DNER: variants seen among roughly 807,000 people sequenced by gnomAD.
The protein encoded by DNER is delta and Notch-like epidermal growth factor-related receptor.
DNER carries 33 observed loss-of-function variants against 78.2 expected under a neutral mutation model. The ratio of observed to expected loss-of-function variants is 0.42; its 90% CI spans 0.32 to 0.56. DNER has a LOEUF of 0.56. DNER is among the 20% of genes least tolerant of loss of function. The pLI is 0.11. For missense variants in DNER, 918 were observed against 975.3 expected, an observed-to-expected ratio of 0.94 and a Z score of 0.78; for synonymous variants, 417 against 384.8, an observed-to-expected ratio of 1.08 and a Z score of -0.98.
At chr2:229,678,664 C>A (rs904108636) in intron 1 of DNER, among the ~76,000 whole-genome samples, 2 of 152,160 alleles carry the variant, frequency 1.3e-5, no homozygotes, top group African/African-American at 4.8e-5. Flanking sequence ...CCTATATGAT[C>A]TCATGCATAA....
Position 229,541,899 on chromosome 2 carries a change from ATTATATTTATAT to A in DNER, c.993+5036_993+5047del, listed in dbSNP as rs980983126. ...TATATTTATTTATATGTATATATAA[ATTATATTTATAT>A]TTATATTTATAAATTATATTTATAT... On this transcript the variant is annotated intron_variant, in intron 5 of 12. Coordinates refer to ENST00000341772, the MANE Select transcript of DNER (RefSeq NM_139072.4). 3.4e-5 allele frequency among the ~76,000 whole-genome samples: 5 copies of A among 147,162 alleles called. No homozygotes were observed. The East Asian group carries it at 9.7e-4, about 29-fold the overall frequency.
chr2:229,643,579 T>A (rs1033249410), intron 1 of DNER, among the ~76,000 whole-genome samples: 1 of 152,140 alleles, frequency 6.6e-6, no homozygotes, highest in Non-Finnish European at 1.5e-5. Flanking sequence ...CTTGGGTAGG[T>A]TACTTAGGCT....
chr2:229,631,111 T>A (rs775861344), intron 1 of DNER, among the ~76,000 whole-genome samples: 3 of 152,234 alleles, frequency 2.0e-5, no homozygotes, highest in East Asian at 1.9e-4. Context: ...AGTATATGTG[T>A]CTTTTTGGTA....
chr2:229,709,170 T>C (rs1436605568), intron 1 of DNER, among the ~76,000 whole-genome samples: 1 of 152,226 alleles, frequency 6.6e-6, no homozygotes, highest in Non-Finnish European at 1.5e-5. Context: ...TTTCTTAGTA[T>C]ATCTTTTATT....
intron 5 of DNER, among the ~76,000 whole-genome samples, chr2:229,515,148 T>C (rs969465533): frequency 2.0e-5 from 3 of 152,252 alleles, no homozygotes; most frequent in Non-Finnish European, 2.9e-5. Flanking sequence ...AGGATCTATC[T>C]GTTTTTTCAT....
rs561111777 is a variant in DNER, at chr2:229,576,103, A to G, written c.847+9755T>C. 2.6e-5 allele frequency among the ~76,000 whole-genome samples: 4 copies of G among 152,318 alleles called. No individual in the cohort carries two copies. The South Asian group carries it at 8.3e-4, about 32-fold the overall frequency. On this transcript the variant is annotated intron_variant, in intron 4 of 12. Coordinates refer to ENST00000341772, the MANE Select transcript of DNER (RefSeq NM_139072.4). ...CTACACTCCCTACCCCCACCATTGCAGTGAGTTCAGCAGAACTTACTCAAT... is the reference window on the plus strand; with the variant it reads ...CTACACTCCCTACCCCCACCATTGCGGTGAGTTCAGCAGAACTTACTCAAT...
At chr2:229,463,098 T>A (rs1316161457) in intron 7 of DNER, among the ~76,000 whole-genome samples, 2 of 152,216 alleles carry the variant, frequency 1.3e-5, no homozygotes, top group Admixed American at 1.3e-4. Flanking sequence ...GGTTTCCCTG[T>A]TTATCACCTG....
At chr2:229,692,449 T>C (rs1457150576) in intron 1 of DNER, among the ~76,000 whole-genome samples, 1 of 152,264 alleles carries the variant, frequency 6.6e-6, no homozygotes, top group Non-Finnish European at 1.5e-5. Context: ...TTCTATTGGC[T>C]TTCAGCTATG....
At position 229,591,707 on chromosome 2, in the gene DNER, A is replaced by C. The variant is rs1697609658; in HGVS notation, c.458T>G (p.Leu153Arg). Reference sequence around the variant, plus strand: ...CTCCTGAGTAGCAGGAACAGGCTGAAGCTGTCGGGGTGCCATGGATTCGGT... The same window carrying C: ...CTCCTGAGTAGCAGGAACAGGCTGACGCTGTCGGGGTGCCATGGATTCGGT... ...GWTESMAPRQ[L>R]QPVPATQEPD... Residue 153 changes from leucine (L) to arginine (R), a missense_variant, in exon 2 of 13, where the codon CTT becomes CGT. Transcript: ENST00000341772. This position sits in a 1 kb window ranked among gnomAD's most constrained non-coding sequence, Gnocchi z 4.6. 11 of 1,614,224 alleles carry C rather than the reference A, an allele frequency of 6.8e-6. No individual in the cohort carries two copies. The highest frequency in any genetic ancestry group is 9.3e-6 in the Non-Finnish European group (11 of 1,180,034).
At chr2:229,640,636 G>A (rs948060680) in intron 1 of DNER, among the ~76,000 whole-genome samples, 3 of 152,182 alleles carry the variant, frequency 2.0e-5, no homozygotes, top group African/African-American at 7.2e-5. Flanking sequence ...CATGTTCTAC[G>A]CGTCTGAGGT....
chr2:229,614,951 G>A (rs544353715), intron 1 of DNER, among the ~76,000 whole-genome samples: 5 of 152,234 alleles, frequency 3.3e-5, no homozygotes, highest in African/African-American at 2.4e-5. Flanking sequence ...ACTAATCTAC[G>A]AAGACTTTAT....
chr2:229,407,434 A>G (rs1182016997), intron 9 of DNER, 89 bp from the exon 10 acceptor site: 1 of 1,124,272 alleles, frequency 8.9e-7, no homozygotes, highest in East Asian at 2.5e-5. Context: ...TCTCTGGAAC[A>G]ATGCGAGGGA....
chr2:229,520,139 A>G (rs1696065835), intron 5 of DNER, among the ~76,000 whole-genome samples: 1 of 152,218 alleles, frequency 6.6e-6, no homozygotes, highest in Non-Finnish European at 1.5e-5. Flanking sequence ...GTGTTCACTG[A>G]AATAAACTGA....
At chr2:229,596,103 G>A (rs1574919477) in intron 1 of DNER, among the ~76,000 whole-genome samples, 1 of 151,388 alleles carries the variant, frequency 6.6e-6, no homozygotes, top group East Asian at 1.9e-4. Flanking sequence ...TCTGTTTTCC[G>A]TTTAATTTAC....
chr2:229,684,145 TGAGAGAGAGA>T (rs67820927), intron 1 of DNER, among the ~76,000 whole-genome samples: 35 of 123,072 alleles, frequency 2.8e-4, no homozygotes, highest in Non-Finnish European at 3.3e-4. Context: ...TCTGTGTATG[TGAGAGAGAGA>T]GAGAGAGAGA....
chr2:229,561,974 T>C (rs1696967210), intron 4 of DNER, among the ~76,000 whole-genome samples: 1 of 152,306 alleles, frequency 6.6e-6, no homozygotes, highest in Admixed American at 6.5e-5. Flanking sequence ...ACCAATGTGA[T>C]TGTGACAGCT....
At chr2:229,432,591 G>T (rs1694030953) in intron 8 of DNER, among the ~76,000 whole-genome samples, 1 of 152,094 alleles carries the variant, frequency 6.6e-6, no homozygotes, top group African/African-American at 2.4e-5. Flanking sequence ...GTTACTAATA[G>T]ACATTCATTT....
At chr2:229,595,462 G>A (rs13021776) in intron 1 of DNER, among the ~76,000 whole-genome samples, 55,153 of 151,334 alleles carry the variant, frequency 0.36, 10,165 homozygotes, top group East Asian at 0.47. Flanking sequence ...TTGTATTTTT[G>A]TTAGAGACGA....
chr2:229,493,410 C>T (rs2154211758), intron 6 of DNER, among the ~76,000 whole-genome samples: 1 of 152,218 alleles, frequency 6.6e-6, no homozygotes, highest in Admixed American at 6.5e-5. Flanking sequence ...TTAATAAATC[C>T]TGATTAAAGA....
Sources: allele counts gnomAD v4.1 joint callset (sites outside exome capture counted in the v4.1 genomes callset), GRCh38; gene constraint gnomAD v4.1.1; non-coding constraint Gnocchi (gnomAD v3.1); transcripts MANE v1.5; gene names NCBI Gene and HGNC (gene_info 2026-07-23, HGNC 2026-07-21).